SMIM1: variants seen among roughly 807,000 people sequenced by gnomAD.
The protein encoded by SMIM1 is small integral membrane protein 1 (Vel blood group), also known as small integral membrane protein 1.
In SMIM1, 7 loss-of-function variants were observed where a neutral mutation model predicts 7.7. The observed-to-expected ratio is 0.91, with a 90% CI of 0.52 to 1.71. The LOEUF (loss-of-function observed/expected upper bound fraction) is 1.71, where lower values mean the gene tolerates loss of function less well. Among genes scored for constraint, SMIM1 ranks in the 40% most tolerant of loss-of-function variants. SMIM1 has a pLI of 0.00. For synonymous variants in SMIM1, 41 were observed against 42.7 expected (o/e 0.96, Z 0.16); for missense variants, 95 against 102.8 (o/e 0.92, Z 0.33).
Position 3,775,681 on chromosome 1 carries a change from C to T in SMIM1, c.111-114C>T, listed in dbSNP as rs1220944249. The stretch of plus-strand genomic sequence containing the variant: ...GGGCGGGGAGAGCTTCCTCTTGACT[C>T]CAGCAGAGCGCCCAGGCCCCTCCCC... On this transcript the variant is annotated intron_variant, in intron 3 of 3. Transcript: ENST00000642557. This position sits in a 1 kb window ranked among gnomAD's most constrained non-coding sequence, Gnocchi z 5.3. The T allele has an allele frequency of 7.0e-7, 1 of 1,426,328 alleles. No individual in the cohort carries two copies. Among genetic ancestry groups the T allele is most frequent in the South Asian group, 1.4e-5 (1 of 69,842 alleles). The allele number at this position is 1,426,328 out of a possible 1,614,324, so 88.4% of individuals were successfully genotyped here. A position where few individuals can be genotyped will look rare whatever the true frequency, so the allele number is the denominator to read the frequency against.
rs1643446164 is a variant in SMIM1 at position 3,775,585 on chromosome 1, A to G, written c.110+102A>G. ...TACCGGCCCCATCACCCTCCACCCC[A>G]TCCTGGCTGGGAGCCCACGGTCCAG... is the stretch of plus-strand genomic sequence containing the variant. On this transcript the variant is annotated intron_variant, in intron 3 of 3. Transcript: ENST00000642557. The surrounding 1 kb of genome is among the most constrained non-coding windows in gnomAD (Gnocchi z 5.3). 7.7e-7 allele frequency: 1 copy of G among 1,294,868 alleles called. No homozygotes were observed. The highest frequency in any genetic ancestry group is 1.1e-6 in the Non-Finnish European group (1 of 951,652). The allele number at this position is 1,294,868 out of a possible 1,614,324, so 80.2% of individuals were successfully genotyped here.
chr1:3,773,135 A>C lies in SMIM1; in HGVS notation c.-122A>C, dbSNP rs1453141394. On this transcript the variant is annotated 5_prime_UTR_variant, in exon 2 of 4. Transcript: ENST00000642557. ...GGTGCGGGCCGCTGGCCAGGCCCTG[A>C]CCGCAACCTGGCCCAGAGGCCCCAG... The C allele has an allele frequency of 1.3e-5, 2 of 152,264 alleles. No homozygotes were observed. The highest frequency in any genetic ancestry group is 2.9e-5 in the Non-Finnish European group (2 of 68,088). 9.4% of individuals were successfully genotyped at this position (152,264 alleles called of 1,614,324 possible). A position where few individuals can be genotyped will look rare whatever the true frequency, so the allele number is the denominator to read the frequency against.
intron 2 of SMIM1, among the ~76,000 whole-genome samples, chr1:3,774,809 C>T (rs1170842794): frequency 6.6e-6 from 1 of 152,182 alleles, no homozygotes; most frequent in Admixed American, 6.5e-5. Flanking sequence ...CACGCATCCT[C>T]CCCAGACAGG....
rs765237894 is a variant in SMIM1, at chr1:3,775,942, G to A, written c.*21G>A. 34 of 1,544,008 alleles carry A rather than the reference G, an allele frequency of 2.2e-5. No individual in the cohort carries two copies. Among genetic ancestry groups the A allele is most frequent in the South Asian group, 1.7e-4 (14 of 83,808 alleles). ...AATAAATGCTGCCCCGCATGCACGC[G>A]GGGGGCTGGCCGCACACGTGAGAGC... is the stretch of plus-strand genomic sequence containing the variant. On this transcript the variant is annotated 3_prime_UTR_variant, in exon 4 of 4. Coordinates refer to ENST00000642557, the MANE Select transcript of SMIM1 (RefSeq NM_001288583.2). This position sits in a 1 kb window ranked among gnomAD's most constrained non-coding sequence, Gnocchi z 5.3.
chr1:3,775,575 C>G lies in SMIM1; in HGVS notation c.110+92C>G. ...TAACCCCTGCTACCGGCCCCATCACCCTCCACCCCATCCTGGCTGGGAGCC... is the reference window on the plus strand; with the variant it reads ...TAACCCCTGCTACCGGCCCCATCACGCTCCACCCCATCCTGGCTGGGAGCC... On this transcript the variant is annotated intron_variant, in intron 3 of 3. Transcript: ENST00000642557. The surrounding 1 kb of genome is among the most constrained non-coding windows in gnomAD (Gnocchi z 5.3). 1.5e-6 allele frequency: 2 copies of G among 1,310,042 alleles called. No homozygotes were observed. Among genetic ancestry groups the G allele is most frequent in the Non-Finnish European group, 2.1e-6 (2 of 959,894 alleles). The allele number at this position is 1,310,042 out of a possible 1,614,324, so 81.2% of individuals were successfully genotyped here.
rs577823210 is a variant in SMIM1, at chr1:3,775,832, G to A, written c.148G>A (p.Ala50Thr). Residue 50 changes from alanine (A) to threonine (T), a missense_variant, in exon 4 of 4, where the codon GCC becomes ACC. Coordinates refer to ENST00000642557, the MANE Select transcript of SMIM1 (RefSeq NM_001288583.2). This position sits in a 1 kb window ranked among gnomAD's most constrained non-coding sequence, Gnocchi z 5.3. Reference sequence around the variant, plus strand: ...GCTGTGCACGGGCAAGCTGGGCATCGCCATGAAGGTGCTGGGCGGCGTGGC... The same window carrying A: ...GCTGTGCACGGGCAAGCTGGGCATCACCATGAAGGTGCTGGGCGGCGTGGC... ...QRLCTGKLGI[A>T]MKVLGGVALF... The A allele has an allele frequency of 9.0e-6, 14 of 1,550,728 alleles. No homozygotes were observed. The Admixed American group carries it at 9.8e-5, about 11-fold the overall frequency.
In SMIM1 at chr1:3,775,763, T is replaced by TG. The variant is rs1643449032; in HGVS notation, c.111-28dup. The TG allele has an allele frequency of 6.5e-7, 1 of 1,545,208 alleles. No homozygotes were observed. Among genetic ancestry groups the TG allele is most frequent in the Admixed American group, 2.0e-5 (1 of 50,820 alleles). ...GGGGGCCCCTCATGCGGCCCTGGCC[T>TG]GGGGCTCACCTCCAGTTGGTTCTCA... On this transcript the variant is annotated intron_variant, in intron 3 of 3. Coordinates refer to ENST00000642557, the MANE Select transcript of SMIM1 (RefSeq NM_001288583.2). The surrounding 1 kb of genome is among the most constrained non-coding windows in gnomAD (Gnocchi z 5.3).
chr1:3,775,701 CT>C lies in SMIM1; in HGVS notation c.111-93del. On this transcript the variant is annotated intron_variant, in intron 3 of 3. Transcript: ENST00000642557. The surrounding 1 kb of genome is among the most constrained non-coding windows in gnomAD (Gnocchi z 5.3). ...TGACTCCAGCAGAGCGCCCAGGCCC[CT>C]CCCCCTGACCCAGACCAACGGCCAC... The C allele has an allele frequency of 6.8e-7, 1 of 1,468,178 alleles. No homozygotes were observed. Among genetic ancestry groups the C allele is most frequent in the Non-Finnish European group, 9.0e-7 (1 of 1,110,202 alleles). The allele number at this position is 1,468,178 out of a possible 1,614,324, so 90.9% of individuals were successfully genotyped here.
chr1:3,775,679 CT>C lies in SMIM1; in HGVS notation c.111-115del, dbSNP rs1643447294. The C allele has an allele frequency of 2.8e-6, 4 of 1,423,098 alleles. No homozygotes were observed. The highest frequency in any genetic ancestry group is 3.7e-6 in the Non-Finnish European group (4 of 1,078,962). The allele number at this position is 1,423,098 out of a possible 1,614,324, so 88.2% of individuals were successfully genotyped here. A position where few individuals can be genotyped will look rare whatever the true frequency, so the allele number is the denominator to read the frequency against. ...GTGGGCGGGGAGAGCTTCCTCTTGA[CT>C]CCAGCAGAGCGCCCAGGCCCCTCCC... On this transcript the variant is annotated intron_variant, in intron 3 of 3. Transcript: ENST00000642557. This position sits in a 1 kb window ranked among gnomAD's most constrained non-coding sequence, Gnocchi z 5.3.
intron 2 of SMIM1, among the ~76,000 whole-genome samples, chr1:3,773,609 TGCAGCTCCA>T (rs1251316091): frequency 6.6e-6 from 1 of 152,126 alleles, no homozygotes; most frequent in Non-Finnish European, 1.5e-5. Flanking sequence ...AGGCGGCTGC[TGCAGCTCCA>T]GCAGCTCCAG....
In SMIM1 at chr1:3,775,032, G is replaced by GA. The variant is rs1482362680; in HGVS notation, c.-75-265dup. On this transcript the variant is annotated intron_variant, in intron 2 of 3. Transcript: ENST00000642557. The surrounding 1 kb of genome is among the most constrained non-coding windows in gnomAD (Gnocchi z 5.3). Reference sequence around the variant, plus strand: ...CAGGCTCCCTGATAAAAGCACCGGGGAAGGGAGGCTCCTGGAGTGTGCTGG... The same window carrying GA: ...CAGGCTCCCTGATAAAAGCACCGGGGAAAGGGAGGCTCCTGGAGTGTGCTGG... 6.6e-6 allele frequency among the ~76,000 whole-genome samples: 1 copy of GA among 152,176 alleles called. No homozygotes were observed. The highest frequency in any genetic ancestry group is 1.5e-5 in the Non-Finnish European group (1 of 68,018).
At chr1:3,773,947 C>G (rs1005831754) in intron 2 of SMIM1, among the ~76,000 whole-genome samples, 1 of 152,142 alleles carries the variant, frequency 6.6e-6, no homozygotes, top group Non-Finnish European at 1.5e-5. Context: ...GAGTGCCAGG[C>G]TGCACTGAGC....
At chr1:3,773,707 C>G (rs1643417295) in intron 2 of SMIM1, among the ~76,000 whole-genome samples, 1 of 152,212 alleles carries the variant, frequency 6.6e-6, no homozygotes, top group East Asian at 1.9e-4. Flanking sequence ...CTGCTGCACC[C>G]TGGCTCCTGG....
At position 3,775,659 on chromosome 1, in the gene SMIM1, C is replaced by A; in HGVS notation, c.111-136C>A. On this transcript the variant is annotated intron_variant, in intron 3 of 3. Transcript: ENST00000642557. This position sits in a 1 kb window ranked among gnomAD's most constrained non-coding sequence, Gnocchi z 5.3. ...GGCCTTCCCTCTGGTTGGCTGTGGGCGGGGAGAGCTTCCTCTTGACTCCAG... is the reference window on the plus strand; with the variant it reads ...GGCCTTCCCTCTGGTTGGCTGTGGGAGGGGAGAGCTTCCTCTTGACTCCAG... 1 of 1,357,590 alleles carries A rather than the reference C, an allele frequency of 7.4e-7. No homozygotes were observed. Among genetic ancestry groups the A allele is most frequent in the Admixed American group, 2.6e-5 (1 of 38,114 alleles). The allele number at this position is 1,357,590 out of a possible 1,614,324, so 84.1% of individuals were successfully genotyped here.
chr1:3,772,976 G>T (rs1400655914), intron 1 of SMIM1, 87 bp from the exon 2 acceptor site: 2 of 152,346 alleles, frequency 1.3e-5, no homozygotes, highest in Non-Finnish European at 2.9e-5. Context: ...CCGGCTCCTT[G>T]TGGCTGCTGG....
At position 3,775,582 on chromosome 1, in the gene SMIM1, C is replaced by T. The variant is rs1366042147; in HGVS notation, c.110+99C>T. The T allele has an allele frequency of 4.6e-6, 6 of 1,298,210 alleles. No individual in the cohort carries two copies. Among genetic ancestry groups the T allele is most frequent in the Non-Finnish European group, 5.2e-6 (5 of 953,420 alleles). The allele number at this position is 1,298,210 out of a possible 1,614,324, so 80.4% of individuals were successfully genotyped here. A position where few individuals can be genotyped will look rare whatever the true frequency, so the allele number is the denominator to read the frequency against. ...TGCTACCGGCCCCATCACCCTCCAC[C>T]CCATCCTGGCTGGGAGCCCACGGTC... On this transcript the variant is annotated intron_variant, in intron 3 of 3. Transcript: ENST00000642557. The surrounding 1 kb of genome is among the most constrained non-coding windows in gnomAD (Gnocchi z 5.3).
chr1:3,775,217 GC>G lies in SMIM1; in HGVS notation c.-75-77del. 1.8e-6 allele frequency: 1 copy of G among 566,460 alleles called. No individual in the cohort carries two copies. Among genetic ancestry groups the G allele is most frequent in the Non-Finnish European group, 3.2e-6 (1 of 316,234 alleles). 35.1% of individuals were successfully genotyped at this position (566,460 alleles called of 1,614,324 possible). A position where few individuals can be genotyped will look rare whatever the true frequency, so the allele number is the denominator to read the frequency against. On this transcript the variant is annotated intron_variant, in intron 2 of 3. Transcript: ENST00000642557. The surrounding 1 kb of genome is among the most constrained non-coding windows in gnomAD (Gnocchi z 5.3). ...GGCGACAGACCCGGTGAGGGAGTCA[GC>G]CCCCGACCCTTAGTGCCCCTCTCCT...
intron 1 of SMIM1, 136 bp from the exon 2 acceptor site, chr1:3,772,927 T>A (rs1328659594): frequency 1.3e-5 from 2 of 152,186 alleles, no homozygotes; most frequent in Non-Finnish European, 2.9e-5. Context: ...TAACCCGCGG[T>A]GCGGGGCCAG....
At position 3,775,782 on chromosome 1, in the gene SMIM1, G is replaced by A; in HGVS notation, c.111-13G>A. The A allele has an allele frequency of 6.5e-7, 1 of 1,548,824 alleles. No individual in the cohort carries two copies. The highest frequency in any genetic ancestry group is 8.7e-7 in the Non-Finnish European group (1 of 1,146,624). On this transcript the variant is annotated splice_polypyrimidine_tract_variant and intron_variant, in intron 3 of 3. Transcript: ENST00000642557. This position sits in a 1 kb window ranked among gnomAD's most constrained non-coding sequence, Gnocchi z 5.3. The stretch of plus-strand genomic sequence containing the variant: ...CTGGCCTGGGGCTCACCTCCAGTTG[G>A]TTCTCACCCCAGGATCTCCCAGAGG...
Sources: allele counts gnomAD v4.1 joint callset (sites outside exome capture counted in the v4.1 genomes callset), GRCh38; gene constraint gnomAD v4.1.1; non-coding constraint Gnocchi (gnomAD v3.1); transcripts MANE v1.5; gene names NCBI Gene and HGNC (gene_info 2026-07-23, HGNC 2026-07-21).